Variants in FRMD3 observed in about 807,000 individuals in gnomAD.
FRMD3 encodes the protein FERM domain-containing protein 3.
FRMD3 carries 33 observed loss-of-function variants against 70.2 expected under a neutral mutation model. The ratio of observed to expected loss-of-function variants is 0.47; its 90% confidence interval spans 0.36 to 0.63. FRMD3 has a LOEUF of 0.63. Among genes scored for constraint, FRMD3 ranks in the 20% least tolerant of loss-of-function variants. FRMD3 has a pLI of 0.00. For missense variants in FRMD3, 632 were observed against 711.4 expected (o/e 0.89, Z 1.27); for synonymous variants, 279 against 255.9 (o/e 1.09, Z -0.86).
the FRMD3 span, among the ~76,000 whole-genome samples, chr9:83,578,131 A>AT: frequency 5.9e-5 from 9 of 151,662 alleles, no homozygotes; most frequent in African/African-American, 1.9e-4. Context: ...CTATGAAGAA[A>AT]TAAAAAAAAA....
At chr9:83,407,884 C>T (rs1262962721) in intron 1 of FRMD3, among the ~76,000 whole-genome samples, 2 of 133,208 alleles carry the variant, frequency 1.5e-5, no homozygotes, top group African/African-American at 7.2e-5. Context: ...ATCTTTCTCT[C>T]TCTCTCTCTC....
Position 83,245,631 on chromosome 9 carries a change from G to T in FRMD3, c.*2287C>A. 1 of 810,648 alleles carries T rather than the reference G, an allele frequency of 1.2e-6. No homozygotes were observed. The highest frequency in any genetic ancestry group is 1.5e-6 in the Non-Finnish European group (1 of 670,642). The allele number at this position is 810,648 out of a possible 1,614,324, so 50.2% of individuals were successfully genotyped here. The stretch of plus-strand genomic sequence containing the variant: ...CATATTTTTTAAGTATTTTACAATG[G>T]AAAATATATTAGTTCCATAATTTAA... On this transcript the variant is annotated 3_prime_UTR_variant, in exon 14 of 14. Coordinates refer to ENST00000304195, the MANE Select transcript of FRMD3 (RefSeq NM_174938.6).
intron 5 of FRMD3, among the ~76,000 whole-genome samples, chr9:83,338,650 A>C (rs1382164503): frequency 6.6e-6 from 1 of 152,224 alleles, no homozygotes; most frequent in Non-Finnish European, 1.5e-5. Flanking sequence ...GCATCATTTA[A>C]TTTATGAAAT....
At chr9:83,526,977 G>A (rs1466179803) in intron 1 of FRMD3, among the ~76,000 whole-genome samples, 1 of 151,406 alleles carries the variant, frequency 6.6e-6, no homozygotes, top group African/African-American at 2.4e-5. Flanking sequence ...CAGAGCTTAA[G>A]TTACAACTGG....
intron 13 of FRMD3, among the ~76,000 whole-genome samples, chr9:83,250,208 C>A (rs1832336167): frequency 6.6e-6 from 1 of 152,146 alleles, no homozygotes; most frequent in African/African-American, 2.4e-5. Context: ...AGACCCCACC[C>A]CGACCCCCAG....
chr9:83,545,127 G>A, the FRMD3 span, among the ~76,000 whole-genome samples: 118 of 152,082 alleles, frequency 7.8e-4, no homozygotes, highest in Admixed American at 1.5e-3. Context: ...ACAACACAAG[G>A]AAATCAGAAA....
intron 1 of FRMD3, among the ~76,000 whole-genome samples, chr9:83,458,224 A>G (rs570907415): frequency 6.6e-6 from 1 of 152,312 alleles, no homozygotes; most frequent in Admixed American, 6.5e-5. Flanking sequence ...ATGAAAATGG[A>G]CAGGGGCTTC....
At chr9:83,521,503 A>G (rs1829571026) in intron 1 of FRMD3, among the ~76,000 whole-genome samples, 1 of 152,188 alleles carries the variant, frequency 6.6e-6, no homozygotes, top group Non-Finnish European at 1.5e-5. Flanking sequence ...CCAGAAAAAA[A>G]GAACTGGCAA....
At chr9:83,440,871 C>A (rs948018274) in intron 1 of FRMD3, among the ~76,000 whole-genome samples, 5 of 152,124 alleles carry the variant, frequency 3.3e-5, no homozygotes, top group Admixed American at 2.6e-4. Context: ...GGTGTGGGGG[C>A]CATTAGGGCT....
chr9:83,582,741 C>G, the FRMD3 span, among the ~76,000 whole-genome samples: 6 of 152,136 alleles, frequency 3.9e-5, no homozygotes, highest in Non-Finnish European at 5.9e-5. Context: ...ATTTTTACTT[C>G]AAAGCCCTGG....
At chr9:83,336,032 G>A (rs1207581762) in intron 5 of FRMD3, among the ~76,000 whole-genome samples, 2 of 152,122 alleles carry the variant, frequency 1.3e-5, no homozygotes, top group African/African-American at 4.8e-5. Flanking sequence ...CAGGCACTGT[G>A]ACCATCAAAA....
rs1827584849 is a variant in FRMD3 at position 83,449,670 on chromosome 9, G to A, written c.148-59962C>T. 2.6e-5 allele frequency among the ~76,000 whole-genome samples: 4 copies of A among 152,310 alleles called. No individual in the cohort carries two copies. In the South Asian group the frequency reaches 8.3e-4, roughly 32 times the overall value. ...GGCATTGCACAGTTTGCCAAGCTCA[G>A]CTTTGCCAGAGGTGAAAACAGATGC... On this transcript the variant is annotated intron_variant, in intron 1 of 13. Coordinates refer to ENST00000304195, the MANE Select transcript of FRMD3 (RefSeq NM_174938.6).
At chr9:83,269,607 G>A (rs531329519) in intron 13 of FRMD3, among the ~76,000 whole-genome samples, 1 of 152,204 alleles carries the variant, frequency 6.6e-6, no homozygotes, top group Admixed American at 6.5e-5. Flanking sequence ...TACTCGGGAG[G>A]CTGAGGCAGG....
chr9:83,568,371 A>C, the FRMD3 span, among the ~76,000 whole-genome samples: 1,862 of 152,338 alleles, frequency 0.012, 40 homozygotes, highest in African/African-American at 0.042. Context: ...ATGACAAATT[A>C]TGTATTAAAT....
chr9:83,483,940 A>G (rs1828627926), intron 1 of FRMD3, among the ~76,000 whole-genome samples: 3 of 152,228 alleles, frequency 2.0e-5, no homozygotes, highest in Non-Finnish European at 4.4e-5. Context: ...GGGCCATGAG[A>G]AAAGTGTTTC....
the FRMD3 span, among the ~76,000 whole-genome samples, chr9:83,556,976 G>A: frequency 0.02 from 3,064 of 151,916 alleles, 109 homozygotes; most frequent in African/African-American, 0.07. Flanking sequence ...AAAATATATT[G>A]ACCAAAAGAT....
intron 1 of FRMD3, among the ~76,000 whole-genome samples, chr9:83,445,246 G>A (rs992543708): frequency 3.9e-5 from 6 of 152,182 alleles, no homozygotes; most frequent in Admixed American, 1.3e-4. Context: ...TGTGGTGGCA[G>A]GTGCTTGAAC....
intron 1 of FRMD3, among the ~76,000 whole-genome samples, chr9:83,490,861 A>C (rs976356407): frequency 2.0e-5 from 3 of 151,480 alleles, no homozygotes; most frequent in African/African-American, 7.3e-5. Context: ...GCAGCCATTT[A>C]GAAAGCTAAC....
At chr9:83,441,528 C>A (rs1827294964) in intron 1 of FRMD3, among the ~76,000 whole-genome samples, 1 of 152,140 alleles carries the variant, frequency 6.6e-6, no homozygotes, top group Non-Finnish European at 1.5e-5. Context: ...AGCTCAAGGG[C>A]ACTGGACCCC....
Sources: gnomAD v4.1 joint callset for allele counts (sites outside exome capture counted in the v4.1 genomes callset) on GRCh38, gnomAD v4.1.1 for gene constraint, MANE v1.5 for transcripts, NCBI Gene and HGNC (gene_info 2026-07-23, HGNC 2026-07-21) for gene names.